Variants in XPO1 observed in about 807,000 individuals in gnomAD.
The protein encoded by XPO1 is exportin 1.
A neutral mutation model predicts 133.3 loss-of-function variants in XPO1; 5 were observed. That is an observed-to-expected ratio of 0.04 (90% CI 0.02 to 0.08). The LOEUF is 0.08. XPO1 is among the 10% of genes least tolerant of loss of function. The pLI, the probability that XPO1 is intolerant of heterozygous loss-of-function variation, is 1.00. For missense variants in XPO1, 506 were observed against 1,267.5 expected (o/e 0.40, Z 9.12); for synonymous variants, 419 against 408.2 (o/e 1.03, Z -0.32).
chr2:61,500,598 A>AAAAAAT (rs1697461331), intron 6 of XPO1, among the ~76,000 whole-genome samples: 1 of 149,544 alleles, frequency 6.7e-6, no homozygotes, highest in Non-Finnish European at 1.5e-5. Flanking sequence ...AAAAAAAAAA[A>AAAAAAT]GAGCAGCCTG....
chr2:61,525,650 T>A (rs1698879659), intron 3 of XPO1: 1 of 1,023,404 alleles, frequency 9.8e-7, no homozygotes, highest in South Asian at 4.6e-5. Context: ...ACTGTTATGT[T>A]ACTTAAGGTT....
chr2:61,508,906 GT>G (rs1330177076), intron 4 of XPO1, among the ~76,000 whole-genome samples: 2 of 152,146 alleles, frequency 1.3e-5, no homozygotes, highest in Non-Finnish European at 2.9e-5. Flanking sequence ...GGGAGTCCAT[GT>G]TACATATTCC....
intron 24 of XPO1, among the ~76,000 whole-genome samples, chr2:61,480,102 TG>T (rs1056776894): frequency 4.0e-5 from 6 of 150,654 alleles, no homozygotes; most frequent in African/African-American, 7.3e-5. Flanking sequence ...TGACCTCAAC[TG>T]ATCTGTCTGC....
At chr2:61,513,489 T>TA (rs2104643341) in intron 4 of XPO1, among the ~76,000 whole-genome samples, 2 of 151,576 alleles carry the variant, frequency 1.3e-5, no homozygotes, top group Non-Finnish European at 2.9e-5. Context: ...CACACCCAGC[T>TA]AATTTTTGTA....
intron 19 of XPO1, among the ~76,000 whole-genome samples, chr2:61,487,272 C>T (rs1696741566): frequency 1.3e-5 from 2 of 152,038 alleles, no homozygotes; most frequent in South Asian, 2.1e-4. Context: ...TGTATTATTC[C>T]CACTGTGCTC....
rs1696322023 is a variant in XPO1 at position 61,481,011 on chromosome 2, G to A, written c.3069+174C>T. Among the ~76,000 whole-genome samples, 5 of 152,194 alleles carry A rather than the reference G, an allele frequency of 3.3e-5. No homozygotes were observed. The South Asian group carries it at 1.0e-3, about 31-fold the overall frequency. On this transcript the variant is annotated intron_variant, in intron 24 of 24. Coordinates refer to ENST00000401558, the MANE Select transcript of XPO1 (RefSeq NM_003400.4). ...ACATATCTATCCTTATTGGACTTTA[G>A]TTTTTCACTGTATTACCAGTCTCAG... is the stretch of plus-strand genomic sequence containing the variant.
intron 12 of XPO1, 124 bp from the exon 13 acceptor site, chr2:61,493,177 T>G: frequency 1.0e-6 from 1 of 977,578 alleles, no homozygotes; most frequent in Non-Finnish European, 1.5e-6. Flanking sequence ...TAGGGATTCA[T>G]GCCTATAATT....
rs1349117018 is a variant in XPO1, at chr2:61,493,015, C to T, written c.1284G>A (p.Glu428=). The change falls in exon 13 of 25, where the codon GAG becomes GAA. Residue 428 remains glutamate (E), a synonymous_variant. Coordinates refer to ENST00000401558, the MANE Select transcript of XPO1 (RefSeq NM_003400.4). ...LLMVSRMAKP[E]EVLVVENDQG... is the part of the protein sequence containing the mutation. ...GATCATTCTCTACAACCAATACTTCCTCTGGTTTAGCCATTCGACTAACCA... is the reference window on the plus strand; with the variant it reads ...GATCATTCTCTACAACCAATACTTCTTCTGGTTTAGCCATTCGACTAACCA... 6.2e-7 allele frequency: 1 copy of T among 1,611,060 alleles called. No homozygotes were observed. The highest frequency in any genetic ancestry group is 8.5e-7 in the Non-Finnish European group (1 of 1,179,540).
At chr2:61,489,240 C>G (rs967992347) in intron 17 of XPO1, among the ~76,000 whole-genome samples, 1 of 151,862 alleles carries the variant, frequency 6.6e-6, no homozygotes, top group Non-Finnish European at 1.5e-5. Flanking sequence ...ATGGAGAAAC[C>G]CTGTCTCTAC....
At position 61,484,192 on chromosome 2, in the gene XPO1, A is replaced by T; in HGVS notation, c.2509-87T>A. 7 of 1,214,764 alleles carry T rather than the reference A, an allele frequency of 5.8e-6. No homozygotes were observed. In the South Asian group the frequency reaches 8.6e-5, roughly 15 times the overall value. 75.2% of individuals were successfully genotyped at this position (1,214,764 alleles called of 1,614,324 possible). On this transcript the variant is annotated intron_variant, in intron 20 of 24. Coordinates refer to ENST00000401558, the MANE Select transcript of XPO1 (RefSeq NM_003400.4). ...GGAAAAGCAAGGCTTAATCCAGTATAAATATTTGGAGTTTTCAATAAACCA... is the reference window on the plus strand; with the variant it reads ...GGAAAAGCAAGGCTTAATCCAGTATTAATATTTGGAGTTTTCAATAAACCA...
At chr2:61,486,084 G>C (rs1696678622) in intron 19 of XPO1, 122 bp from the exon 20 acceptor site, 3 of 933,778 alleles carry the variant, frequency 3.2e-6, no homozygotes, top group African/African-American at 3.8e-5. Context: ...GGAAAATCTT[G>C]TGTTTGTATT....
Position 61,492,234 on chromosome 2 carries a change from G to GACTC in XPO1, c.1724-40_1724-37dup. 6.2e-7 allele frequency: 1 copy of GACTC among 1,608,812 alleles called. No individual in the cohort carries two copies. Among genetic ancestry groups the GACTC allele is most frequent in the South Asian group, 1.1e-5 (1 of 90,476 alleles). On this transcript the variant is annotated intron_variant, in intron 15 of 24. Transcript: ENST00000401558. The surrounding 1 kb of genome is among the most constrained non-coding windows in gnomAD (Gnocchi z 5.6). ...AAAAATATTCATTTATTTTGTCCTG[G>GACTC]ACTCCATCATGGGTCTCTAACAAGA... is the stretch of plus-strand genomic sequence containing the variant.
chr2:61,502,775 G>A lies in XPO1; in HGVS notation c.302-465C>T, dbSNP rs186152489. On this transcript the variant is annotated intron_variant, in intron 4 of 24. Transcript: ENST00000401558. The stretch of plus-strand genomic sequence containing the variant: ...AAAAAAAAATCAATGAATTTAATGT[G>A]CTATTCATATTTTTAAAGATGGGAT... Among the ~76,000 whole-genome samples, 24 of 151,824 alleles carry A rather than the reference G, an allele frequency of 1.6e-4. 1 individual carries two copies. The highest frequency in any genetic ancestry group is 1.4e-3 in the Admixed American group (22 of 15,198).
At chr2:61,498,172 C>T (rs754021824) in intron 9 of XPO1, among the ~76,000 whole-genome samples, 1 of 152,198 alleles carries the variant, frequency 6.6e-6, no homozygotes, top group South Asian at 2.1e-4. Flanking sequence ...TCTTGGCTCA[C>T]TGCACCTTCT....
intron 4 of XPO1, among the ~76,000 whole-genome samples, chr2:61,522,002 C>G (rs1222441708): frequency 6.6e-6 from 1 of 152,170 alleles, no homozygotes; most frequent in African/African-American, 2.4e-5. Flanking sequence ...AAATGACCCT[C>G]CCACTTCAGC....
chr2:61,537,273 C>A (rs1477237379), intron 1 of XPO1, among the ~76,000 whole-genome samples: 4 of 151,844 alleles, frequency 2.6e-5, no homozygotes, highest in African/African-American at 7.2e-5. Context: ...CCGCGCGGGG[C>A]CCCGCTTCAC....
chr2:61,518,966 CTCTTT>C (rs899493099), intron 4 of XPO1, among the ~76,000 whole-genome samples: 3 of 151,890 alleles, frequency 2.0e-5, no homozygotes, highest in Admixed American at 2.0e-4. Flanking sequence ...CTATCTTTTG[CTCTTT>C]TTTTTTGAGA....
intron 4 of XPO1, among the ~76,000 whole-genome samples, chr2:61,515,530 G>A (rs1285958142): frequency 2.6e-5 from 4 of 152,068 alleles, no homozygotes; most frequent in African/African-American, 9.7e-5. Context: ...AAAAACAGTT[G>A]GTAACCCACT....
chr2:61,499,648 C>T (rs1697409083), intron 7 of XPO1, 65 bp downstream of exon 7: 1 of 1,414,870 alleles, frequency 7.1e-7, no homozygotes, highest in Non-Finnish European at 9.5e-7. Flanking sequence ...CTACAATTTA[C>T]ATCCAAACTG....
Sources: gnomAD v4.1 joint callset for allele counts (sites outside exome capture counted in the v4.1 genomes callset) on GRCh38, gnomAD v4.1.1 for gene constraint, Gnocchi (gnomAD v3.1) non-coding constraint, MANE v1.5 for transcripts, NCBI Gene and HGNC (gene_info 2026-07-23, HGNC 2026-07-21) for gene names.